MYH14: variants seen among roughly 807,000 people sequenced by gnomAD.
MYH14 encodes the protein myosin heavy chain 14, also known as myosin-14.
A neutral mutation model predicts 255.5 loss-of-function variants in MYH14; 123 were observed. The ratio of observed to expected loss-of-function variants is 0.48; its 90% CI spans 0.42 to 0.56. The LOEUF is 0.56. Among genes scored for constraint, MYH14 ranks in the 20% least tolerant of loss-of-function variants. The pLI, the probability that MYH14 is intolerant of heterozygous loss-of-function variation, is 0.00. For missense variants in MYH14, 2,423 were observed against 2,802.3 expected (o/e 0.86, Z 3.06); for synonymous variants, 1,095 against 1,161.2 (o/e 0.94, Z 1.16).
chr19:50,252,843 A>C lies in MYH14; in HGVS notation c.1945+90A>C, dbSNP rs906613188. The C allele has an allele frequency of 3.3e-6, 3 of 920,274 alleles. No individual in the cohort carries two copies. The highest frequency in any genetic ancestry group is 5.0e-6 in the Non-Finnish European group (3 of 603,540). The allele number at this position is 920,274 out of a possible 1,614,324, so 57.0% of individuals were successfully genotyped here. ...GTGAGCACCTTTGTTTCAGAGGCGG[A>C]GGTCTGAACCTGAGTTTTCTGCTCA... On this transcript the variant is annotated intron_variant, in intron 16 of 42. Transcript: ENST00000642316. The surrounding 1 kb of genome is among the most constrained non-coding windows in gnomAD (Gnocchi z 4.2).
intron 7 of MYH14, 31 bp downstream of exon 7, chr19:50,225,708 T>C (rs2033059251): frequency 6.4e-7 from 1 of 1,563,654 alleles, no homozygotes; most frequent in Non-Finnish European, 8.8e-7. Flanking sequence ...GTGCTGGCTG[T>C]GTCAGGGATA....
At chr19:50,217,522 C>G in intron 2 of MYH14, 93 bp from the exon 3 acceptor site, 2 of 1,398,890 alleles carry the variant, frequency 1.4e-6, no homozygotes, top group African/African-American at 1.4e-5. Flanking sequence ...AGATAGATGC[C>G]CTTGTGCAGT....
At position 50,266,578 on chromosome 19, in the gene MYH14, G is replaced by GA. The variant is rs1342409748; in HGVS notation, c.2695-293dup. On this transcript the variant is annotated intron_variant, in intron 22 of 42. Coordinates refer to ENST00000642316, the MANE Select transcript of MYH14 (RefSeq NM_001145809.2). This position sits in a 1 kb window ranked among gnomAD's most constrained non-coding sequence, Gnocchi z 4.1. ...TGTCGAAAGGAAGGAAGGAAGGGAG[G>GA]AAAAAAGGAAGGAAGGAAGGACTGT... 2.6e-5 allele frequency among the ~76,000 whole-genome samples: 4 copies of GA among 151,584 alleles called. 1 individual carries two copies. The highest frequency in any genetic ancestry group is 3.9e-4 in the East Asian group (2 of 5,170).
rs754931173 is a variant in MYH14, at chr19:50,289,568, G to A, written c.4885G>A (p.Ala1629Thr). ...AKLRLEVTVQALKTQHERDLQ... is the reference protein window; with the variant it reads ...AKLRLEVTVQTLKTQHERDLQ... ...GCTGCGTCTGGAGGTGACTGTGCAG[G>A]CTCTCAAGACTCAGCATGAGCGTGA... The change falls in exon 35 of 43, where the codon GCT (alanine) becomes ACT (threonine). Residue 1629 changes from alanine to threonine, a missense_variant. Physicochemically the swap from Ala to Thr is moderately conservative, Grantham distance 58. Transcript: ENST00000642316. 6.2e-7 allele frequency: 1 copy of A among 1,613,058 alleles called. No homozygotes were observed. The highest frequency in any genetic ancestry group is 8.5e-7 in the Non-Finnish European group (1 of 1,179,652).
At chr19:50,279,244 T>C (rs1424513268) in intron 30 of MYH14, among the ~76,000 whole-genome samples, 1 of 152,226 alleles carries the variant, frequency 6.6e-6, no homozygotes, top group Non-Finnish European at 1.5e-5. Context: ...TATATATGGG[T>C]GGCCTTTGTG....
At chr19:50,225,403 C>T (rs1260524090) in intron 6 of MYH14, among the ~76,000 whole-genome samples, 182 bp from the exon 7 acceptor site, 1 of 152,160 alleles carries the variant, frequency 6.6e-6, no homozygotes, top group Non-Finnish European at 1.5e-5. Context: ...AGATGCTTCC[C>T]TCTTCCCCTC....
Position 50,278,136 on chromosome 19 carries a change from G to C in MYH14, c.3879G>C (p.Glu1293Asp), listed in dbSNP as rs554316153. The C allele has an allele frequency of 8.1e-6, 13 of 1,605,530 alleles. No homozygotes were observed. The South Asian group carries it at 1.2e-4, about 15-fold the overall frequency. Residue 1293 changes from glutamate to aspartate, a missense_variant, in exon 30 of 43, where the codon GAG becomes GAC. Coordinates refer to ENST00000642316, the MANE Select transcript of MYH14 (RefSeq NM_001145809.2). ...TGGCCCTGGAGGCCGAGGTGTCCGAGCTGCGGGCAGAACTGAGCAGCCTGC... is the reference window on the plus strand; with the variant it reads ...TGGCCCTGGAGGCCGAGGTGTCCGACCTGCGGGCAGAACTGAGCAGCCTGC... Reference protein sequence around the residue: ...TRLALEAEVSELRAELSSLQT... With the variant: ...TRLALEAEVSDLRAELSSLQT...
chr19:50,210,455 G>A lies in MYH14; in HGVS notation c.90G>A (p.Thr30=), dbSNP rs780777642. Residue 30 remains threonine, a synonymous_variant, in exon 2 of 43, where the codon ACG becomes ACA. Transcript: ENST00000642316. ...VPEAAQPFLF[T]PRGPSAGGGP... is the part of the protein sequence containing the mutation. ...AGGCGGCCCAGCCGTTCCTGTTCACGCCCCGCGGGCCCAGCGCGGGTGGCG... is the reference window on the plus strand; with the variant it reads ...AGGCGGCCCAGCCGTTCCTGTTCACACCCCGCGGGCCCAGCGCGGGTGGCG... The A allele has an allele frequency of 3.9e-6, 6 of 1,546,244 alleles. No individual in the cohort carries two copies. Among genetic ancestry groups the A allele is most frequent in the Middle Eastern group, 1.7e-4 (1 of 5,916 alleles).
At chr19:50,239,824 C>G (rs1233771559) in intron 10 of MYH14, among the ~76,000 whole-genome samples, 1 of 152,170 alleles carries the variant, frequency 6.6e-6, no homozygotes, top group Non-Finnish European at 1.5e-5. Flanking sequence ...GCTGGGATTA[C>G]AGGCGTGAGC....
Position 50,247,117 on chromosome 19 carries a change from G to A in MYH14, c.1324G>A (p.Glu442Lys), listed in dbSNP as rs372597834. ...RDYVQKAQTKEQADFALEALA... is the reference protein window; with the variant it reads ...RDYVQKAQTKKQADFALEALA... ...CTATGTGCAGAAAGCCCAGACTAAGGAACAGGTAGGCGGGGCTGGCGGTGG... is the reference window on the plus strand; with the variant it reads ...CTATGTGCAGAAAGCCCAGACTAAGAAACAGGTAGGCGGGGCTGGCGGTGG... Residue 442 changes from glutamate to lysine, a missense_variant, in exon 12 of 43, where the codon GAA (glutamate) becomes AAA (lysine). This residue lies in a region of MYH14 where 672 missense variants were observed against 881.8 expected (regional missense o/e 0.76). Transcript: ENST00000642316. 3 of 1,611,274 alleles carry A rather than the reference G, an allele frequency of 1.9e-6. No individual in the cohort carries two copies. The African/African-American group carries it at 4.0e-5, about 22-fold the overall frequency.
At chr19:50,289,093 A>G (rs556681298) in intron 34 of MYH14, among the ~76,000 whole-genome samples, 42 of 152,272 alleles carry the variant, frequency 2.8e-4, no homozygotes, top group Middle Eastern at 3.4e-3. Context: ...ATGAATTCCC[A>G]GTGAGTGAGC....
chr19:50,257,206 T>G, intron 17 of MYH14, 93 bp from the exon 18 acceptor site: 1 of 1,032,666 alleles, frequency 9.7e-7, no homozygotes, highest in Non-Finnish European at 1.4e-6. Flanking sequence ...AAAGTGCCAG[T>G]TGTGATAAAT....
intron 20 of MYH14, among the ~76,000 whole-genome samples, chr19:50,261,147 A>C (rs1600968732): frequency 3.7e-5 from 1 of 27,070 alleles, no homozygotes; most frequent in African/African-American, 1.7e-4. Flanking sequence ...CCCTCTCCCC[A>C]ATCACCACCC....
chr19:50,217,556 T>C (rs773408806), intron 2 of MYH14, 59 bp from the exon 3 acceptor site: 92 of 1,606,556 alleles, frequency 5.7e-5, no homozygotes, highest in Middle Eastern at 1.7e-4. Context: ...AGCAGCCCCA[T>C]GACGCCTTTC....
intron 2 of MYH14, among the ~76,000 whole-genome samples, chr19:50,211,906 T>C (rs2123161339): frequency 1.3e-5 from 2 of 152,194 alleles, no homozygotes; most frequent in African/African-American, 4.8e-5. Flanking sequence ...GAGAATCACC[T>C]GAGCCCTGAA....
chr19:50,299,945 A>C (rs2036424285), intron 39 of MYH14, among the ~76,000 whole-genome samples: 1 of 152,084 alleles, frequency 6.6e-6, no homozygotes, highest in South Asian at 2.1e-4. Context: ...ACTGTGTCTC[A>C]AAACAAACAA....
chr19:50,255,580 G>A (rs188331320), intron 17 of MYH14, among the ~76,000 whole-genome samples: 168 of 152,172 alleles, frequency 1.1e-3, no homozygotes, highest in Non-Finnish European at 7.9e-4. Flanking sequence ...ACTATGTGCC[G>A]TTCACCATGT....
rs149052350 is a variant in MYH14, at chr19:50,255,554, C to T, written c.2044+236C>T. ...AAACAAGCGTGATAGTACCAGCTCG[C>T]GTTTCTTGAGCACTTACTATGTGCC... On this transcript the variant is annotated intron_variant, in intron 17 of 42. Coordinates refer to ENST00000642316, the MANE Select transcript of MYH14 (RefSeq NM_001145809.2). Among the ~76,000 whole-genome samples the T allele has an allele frequency of 3.9e-5, 6 of 152,278 alleles. No individual in the cohort carries two copies. In the East Asian group the frequency reaches 5.8e-4, roughly 15 times the overall value.
At chr19:50,236,368 C>A (rs2033656623) in intron 10 of MYH14, among the ~76,000 whole-genome samples, 1 of 151,496 alleles carries the variant, frequency 6.6e-6, no homozygotes, top group Admixed American at 6.6e-5. Context: ...TCCTTGTAAA[C>A]AGGTTCTTGT....
Sources: allele counts gnomAD v4.1 joint callset (sites outside exome capture counted in the v4.1 genomes callset), GRCh38; gene constraint gnomAD v4.1.1; regional missense constraint gnomAD v4.1.1; non-coding constraint Gnocchi (gnomAD v3.1); transcripts MANE v1.5; gene names NCBI Gene and HGNC (gene_info 2026-07-23, HGNC 2026-07-21).